The following PACRG variants were observed in gnomAD, a reference collection of about 807,000 sequenced individuals.
PACRG encodes parkin coregulated gene protein.
In PACRG, 29 loss-of-function variants were observed where a neutral mutation model predicts 29.7. The ratio of observed to expected loss-of-function variants is 0.98; its 90% CI spans 0.73 to 1.33. PACRG has a LOEUF of 1.33. Ranked by LOEUF, PACRG falls within the 40% of genes most tolerant of loss-of-function variation. PACRG has a pLI of 0.00. For missense variants in PACRG, 279 were observed against 316.2 expected, an observed-to-expected ratio of 0.88 and a Z score of 0.89; for synonymous variants, 116 against 118.7, an observed-to-expected ratio of 0.98 and a Z score of 0.15.
intron 2 of PACRG, among the ~76,000 whole-genome samples, chr6:163,036,376 C>G (rs1458295911): frequency 6.6e-6 from 1 of 152,154 alleles, no homozygotes; most frequent in East Asian, 1.9e-4. Flanking sequence ...AACTGCTAGG[C>G]TGCATATTGT....
intron 2 of PACRG, among the ~76,000 whole-genome samples, chr6:162,870,203 C>T (rs1434949193): frequency 6.6e-6 from 1 of 152,152 alleles, no homozygotes; most frequent in African/African-American, 2.4e-5. Context: ...TTTTCACATG[C>T]AGGGAATGCA....
chr6:163,231,149 G>C (rs376450856), intron 4 of PACRG, among the ~76,000 whole-genome samples: 8 of 152,354 alleles, frequency 5.3e-5, no homozygotes, highest in African/African-American at 1.9e-4. Context: ...TGGCAAGGTG[G>C]GCAGGCCCAC....
chr6:163,149,313 C>T (rs1009385309), intron 4 of PACRG, among the ~76,000 whole-genome samples: 2 of 152,168 alleles, frequency 1.3e-5, no homozygotes, highest in Admixed American at 1.3e-4. Context: ...GAGGCTCCAG[C>T]CGGCTCCCCC....
At chr6:162,844,625 C>G (rs767919424) in intron 2 of PACRG, among the ~76,000 whole-genome samples, 12 of 152,194 alleles carry the variant, frequency 7.9e-5, no homozygotes, top group African/African-American at 1.2e-4. Flanking sequence ...CCTCCCTTAA[C>G]ATCATTTTTG....
intron 1 of PACRG, among the ~76,000 whole-genome samples, chr6:162,791,289 C>CT (rs1253369559): frequency 2.7e-4 from 39 of 146,240 alleles, no homozygotes; most frequent in African/African-American, 9.7e-4. Flanking sequence ...TTTCCCCACT[C>CT]TGACTCCTAG....
At chr6:162,862,321 G>A (rs1791927465) in intron 2 of PACRG, among the ~76,000 whole-genome samples, 1 of 152,196 alleles carries the variant, frequency 6.6e-6, no homozygotes, top group African/African-American at 2.4e-5. Context: ...ACTGGGAAGT[G>A]AGAGGGAAGT....
intron 2 of PACRG, among the ~76,000 whole-genome samples, chr6:162,930,990 A>G (rs982459087): frequency 6.6e-6 from 1 of 151,740 alleles, no homozygotes; most frequent in African/African-American, 2.4e-5. Flanking sequence ...TATTTTGTTG[A>G]TAATTTTTTC....
intron 2 of PACRG, among the ~76,000 whole-genome samples, chr6:162,946,114 C>G (rs988989150): frequency 1.3e-5 from 2 of 151,684 alleles, no homozygotes; most frequent in Admixed American, 6.6e-5. Context: ...AAGTCAAGAA[C>G]AAGCCAAACC....
intron 2 of PACRG, among the ~76,000 whole-genome samples, chr6:162,984,317 A>C (rs928610283): frequency 6.6e-6 from 1 of 152,016 alleles, no homozygotes; most frequent in Non-Finnish European, 1.5e-5. Context: ...AATAGTCTCC[A>C]ATTCCATCCA....
chr6:163,239,834 A>T (rs1348017022), intron 4 of PACRG, among the ~76,000 whole-genome samples: 2 of 94,542 alleles, frequency 2.1e-5, no homozygotes, highest in African/African-American at 9.8e-5. Flanking sequence ...TTCTACACAC[A>T]CTCACATACA....
chr6:163,065,353 A>G (rs918237077), intron 3 of PACRG, among the ~76,000 whole-genome samples: 1 of 152,124 alleles, frequency 6.6e-6, no homozygotes. Flanking sequence ...ACAGATTCAC[A>G]TTTACTCCAT....
intron 2 of PACRG, among the ~76,000 whole-genome samples, chr6:162,841,578 T>C (rs1789773946): frequency 6.6e-6 from 1 of 151,608 alleles, no homozygotes; most frequent in African/African-American, 2.4e-5. Context: ...TGAAAGGGTT[T>C]TTGTGTCTCT....
At chr6:163,076,197 C>T (rs758103528) in intron 3 of PACRG, among the ~76,000 whole-genome samples, 1 of 152,198 alleles carries the variant, frequency 6.6e-6, no homozygotes, top group Non-Finnish European at 1.5e-5. Context: ...CTTGTCTTCT[C>T]TGTGGTGGAC....
upstream of PACRG, chr6:162,727,927 T>C: frequency 1.7e-6 from 1 of 590,104 alleles, no homozygotes; most frequent in Non-Finnish European, 3.0e-6. Context: ...CCCAGCAATC[T>C]TACGTCACCG....
At chr6:163,160,780 A>T (rs917117327) in intron 4 of PACRG, among the ~76,000 whole-genome samples, 2 of 152,218 alleles carry the variant, frequency 1.3e-5, no homozygotes, top group Non-Finnish European at 2.9e-5. Context: ...ATATGTAGTC[A>T]GCTTAATTTC....
chr6:162,983,385 G>A (rs537430279), intron 2 of PACRG, among the ~76,000 whole-genome samples: 67 of 151,120 alleles, frequency 4.4e-4, no homozygotes, highest in Non-Finnish European at 7.4e-4. Context: ...TTTTTCCATT[G>A]TGTTAGTGTT....
At chr6:163,260,351 A>G (rs11753486) in intron 4 of PACRG, among the ~76,000 whole-genome samples, 56,937 of 152,014 alleles carry the variant, frequency 0.37, 10,888 homozygotes, top group African/African-American at 0.39. Flanking sequence ...TCTCTTCTAG[A>G]CCTCAGAGCC....
intron 4 of PACRG, among the ~76,000 whole-genome samples, chr6:163,304,191 A>G (rs534301959): frequency 1.3e-5 from 2 of 152,256 alleles, no homozygotes; most frequent in South Asian, 2.1e-4. Context: ...CCCTCCACAT[A>G]TTGAAGCTCA....
At chr6:162,817,007 A>G (rs1018122655) in intron 2 of PACRG, among the ~76,000 whole-genome samples, 3 of 152,188 alleles carry the variant, frequency 2.0e-5, no homozygotes, top group Non-Finnish European at 2.9e-5. Context: ...AACTCTCCTC[A>G]GACACCCTAG....
Sources: gnomAD v4.1 joint callset for allele counts (sites outside exome capture counted in the v4.1 genomes callset) on GRCh38, gnomAD v4.1.1 for gene constraint, MANE v1.5 for transcripts, NCBI Gene and HGNC (gene_info 2026-07-23, HGNC 2026-07-21) for gene names.